The following ALK variants were observed in gnomAD, a reference collection of about 807,000 sequenced individuals.
The protein encoded by ALK is ALK tyrosine kinase receptor.
Under a neutral mutation model 163.1 loss-of-function variants are expected in ALK, and 74 were observed. The observed-to-expected ratio is 0.45, with a 90% CI of 0.38 to 0.55. The LOEUF (loss-of-function observed/expected upper bound fraction) is 0.55, where lower values mean the gene tolerates loss of function less well. Among genes scored for constraint, ALK ranks in the 20% least tolerant of loss-of-function variants. The pLI, the probability that ALK is intolerant of heterozygous loss-of-function variation, is 0.00. For missense variants in ALK, 2,063 were observed against 2,105.3 expected (o/e 0.98, Z 0.39); for synonymous variants, 960 against 843.2 (o/e 1.14, Z -2.40).
At chr2:29,395,013 T>C (rs765895376) in intron 4 of ALK, among the ~76,000 whole-genome samples, 11 of 151,986 alleles carry the variant, frequency 7.2e-5, no homozygotes, top group Non-Finnish European at 1.3e-4. Context: ...AGGGCTGGAG[T>C]TGGGGCATTC....
At chr2:29,323,076 C>T (rs191425950) in intron 6 of ALK, among the ~76,000 whole-genome samples, 2 of 152,330 alleles carry the variant, frequency 1.3e-5, no homozygotes, top group Admixed American at 6.5e-5. Flanking sequence ...TCACCACTTC[C>T]TGCTTTGTGA....
At chr2:29,652,132 C>A (rs13385159) in intron 3 of ALK, among the ~76,000 whole-genome samples, 1 of 152,134 alleles carries the variant, frequency 6.6e-6, no homozygotes, top group South Asian at 2.1e-4. Context: ...AAACAAATTT[C>A]TATTTTATTA....
intron 8 of ALK, 49 bp from the exon 9 acceptor site, chr2:29,297,106 C>A: frequency 1.2e-6 from 2 of 1,609,212 alleles, no homozygotes; most frequent in South Asian, 1.1e-5. Flanking sequence ...GCTGAAAGGT[C>A]CCCTTTCTGG....
chr2:29,715,461 TAAG>T (rs1679221043), intron 2 of ALK, among the ~76,000 whole-genome samples: 2 of 152,164 alleles, frequency 1.3e-5, no homozygotes, highest in African/African-American at 4.8e-5. Flanking sequence ...ATTTTACAGA[TAAG>T]GAGGATGAAG....
chr2:29,333,459 T>G (rs1667513717), intron 5 of ALK, among the ~76,000 whole-genome samples: 1 of 152,216 alleles, frequency 6.6e-6, no homozygotes. Context: ...CCAAATTTAT[T>G]TTTTAGGGAA....
intron 4 of ALK, among the ~76,000 whole-genome samples, chr2:29,495,214 C>T (rs868105902): frequency 2.0e-5 from 3 of 152,274 alleles, no homozygotes; most frequent in Middle Eastern, 3.4e-3. Context: ...CTGCCTGCTT[C>T]GTGCTGCAGG....
chr2:29,295,674 G>T (rs200821796), intron 9 of ALK, among the ~76,000 whole-genome samples: 1 of 152,148 alleles, frequency 6.6e-6, no homozygotes, highest in Admixed American at 6.5e-5. Context: ...GGGTTTGGGC[G>T]AAAAATGTGA....
intron 4 of ALK, among the ~76,000 whole-genome samples, chr2:29,394,531 T>C (rs1355011690): frequency 6.6e-6 from 1 of 151,986 alleles, no homozygotes; most frequent in African/African-American, 2.4e-5. Flanking sequence ...GCAGGGGAAG[T>C]GAGAGGGGAG....
At chr2:29,646,051 C>T (rs187385959) in intron 3 of ALK, among the ~76,000 whole-genome samples, 1 of 152,228 alleles carries the variant, frequency 6.6e-6, no homozygotes, top group East Asian at 1.9e-4. Flanking sequence ...GCCCTGAGAT[C>T]CAGGGCCCTT....
intron 3 of ALK, among the ~76,000 whole-genome samples, chr2:29,637,982 T>C (rs1676590210): frequency 6.6e-6 from 1 of 151,046 alleles, no homozygotes; most frequent in Admixed American, 6.6e-5. Context: ...GAAATAAACT[T>C]GAAAAAAAAA....
At chr2:29,617,538 C>A (rs139159256) in intron 3 of ALK, among the ~76,000 whole-genome samples, 1 of 152,318 alleles carries the variant, frequency 6.6e-6, no homozygotes, top group Non-Finnish European at 1.5e-5. Flanking sequence ...AGTGAGCACC[C>A]AGTGCTGACA....
intron 13 of ALK, 23 bp from the exon 14 acceptor site, chr2:29,233,719 A>T: frequency 6.2e-7 from 1 of 1,614,242 alleles, no homozygotes; most frequent in Non-Finnish European, 8.5e-7. Flanking sequence ...AAAGCACGTT[A>T]GGTTTGTGGC....
intron 1 of ALK, among the ~76,000 whole-genome samples, chr2:29,813,682 T>C (rs1664816181): frequency 6.6e-6 from 1 of 152,198 alleles, no homozygotes; most frequent in Non-Finnish European, 1.5e-5. Flanking sequence ...AATATCAGCT[T>C]GTAACCCGGA....
chr2:29,239,595 G>A, intron 13 of ALK, 85 bp downstream of exon 13: 2 of 1,507,664 alleles, frequency 1.3e-6, no homozygotes, highest in Non-Finnish European at 1.8e-6. Context: ...CTTCCAGGAG[G>A]AGGGTGTTGA....
At chr2:29,886,532 C>T (rs1666988293) in intron 1 of ALK, among the ~76,000 whole-genome samples, 1 of 152,214 alleles carries the variant, frequency 6.6e-6, no homozygotes, top group Non-Finnish European at 1.5e-5. Flanking sequence ...GGCCTATGGC[C>T]CCAGCCATGT....
At chr2:29,693,779 G>A (rs915145031) in intron 3 of ALK, among the ~76,000 whole-genome samples, 4 of 152,162 alleles carry the variant, frequency 2.6e-5, no homozygotes, top group Admixed American at 6.5e-5. Flanking sequence ...AAAGACAGAA[G>A]CATGATGTGG....
intron 5 of ALK, among the ~76,000 whole-genome samples, chr2:29,331,181 C>T (rs1210103883): frequency 6.6e-6 from 1 of 152,144 alleles, no homozygotes; most frequent in African/African-American, 2.4e-5. Context: ...CTTACTCACA[C>T]AGAAGGAAAA....
intron 3 of ALK, among the ~76,000 whole-genome samples, chr2:29,535,368 T>C (rs1212403198): frequency 6.6e-6 from 1 of 152,230 alleles, no homozygotes; most frequent in Non-Finnish European, 1.5e-5. Flanking sequence ...GCTGCTCTCA[T>C]CTCAACCAGC....
intron 1 of ALK, among the ~76,000 whole-genome samples, chr2:29,862,700 T>C (rs1233067874): frequency 2.0e-5 from 3 of 152,092 alleles, no homozygotes; most frequent in Non-Finnish European, 4.4e-5. Flanking sequence ...CTACCCAAAG[T>C]GATCTACAGA....
Sources: allele counts gnomAD v4.1 joint callset (sites outside exome capture counted in the v4.1 genomes callset), GRCh38; gene constraint gnomAD v4.1.1; transcripts MANE v1.5; gene names NCBI Gene and HGNC (gene_info 2026-07-23, HGNC 2026-07-21).